MRPS28: variants seen among roughly 807,000 people sequenced by gnomAD.
The protein encoded by MRPS28 is small ribosomal subunit protein bS1m.
A neutral mutation model predicts 10.8 loss-of-function variants in MRPS28; 7 were observed. The ratio of observed to expected loss-of-function variants is 0.65; its 90% CI spans 0.37 to 1.22. The LOEUF is 1.22. Among genes scored for constraint, MRPS28 ranks in the 50% most tolerant of loss-of-function variants. The pLI, the probability that MRPS28 is intolerant of heterozygous loss-of-function variation, is 0.02. For synonymous variants in MRPS28, 121 were observed against 93.3 expected (o/e 1.30, Z -1.71); for missense variants, 265 against 232.9 (o/e 1.14, Z -0.90).
intron 2 of MRPS28, among the ~76,000 whole-genome samples, chr8:79,968,735 T>G (rs955504153): frequency 1.3e-5 from 2 of 151,086 alleles, no homozygotes; most frequent in African/African-American, 4.9e-5. Flanking sequence ...AAAAAAAGAA[T>G]CAGTTCAATT....
intron 1 of MRPS28, among the ~76,000 whole-genome samples, chr8:80,009,498 C>T (rs1808966876): frequency 6.6e-6 from 1 of 151,762 alleles, no homozygotes; most frequent in Admixed American, 6.6e-5. Flanking sequence ...TGCCTATAAT[C>T]CCAGCTACTC....
chr8:79,958,053 T>C (rs781512702), intron 2 of MRPS28: 1 of 219,468 alleles, frequency 4.6e-6, no homozygotes, highest in Non-Finnish European at 8.8e-6. Flanking sequence ...AAGTGTATAA[T>C]TCAGTGACTT....
chr8:79,988,302 T>C (rs1182459487), intron 2 of MRPS28, among the ~76,000 whole-genome samples: 2 of 148,120 alleles, frequency 1.4e-5, no homozygotes, highest in Non-Finnish European at 3.0e-5. Flanking sequence ...GGGATAGCTT[T>C]AGGAGATATA....
chr8:79,988,952 A>G (rs936219843), intron 2 of MRPS28, among the ~76,000 whole-genome samples: 2 of 152,212 alleles, frequency 1.3e-5, no homozygotes, highest in African/African-American at 4.8e-5. Flanking sequence ...AAGAACAGAG[A>G]AGTAGAAGGA....
chr8:80,005,323 G>A (rs1292654521), intron 1 of MRPS28, among the ~76,000 whole-genome samples: 2 of 152,130 alleles, frequency 1.3e-5, no homozygotes, highest in Admixed American at 6.5e-5. Context: ...GAGAGTGGGG[G>A]CCAATATTCA....
intron 2 of MRPS28, among the ~76,000 whole-genome samples, chr8:79,982,263 GAAAA>G (rs1807980994): frequency 6.6e-6 from 1 of 152,126 alleles, no homozygotes; most frequent in African/African-American, 2.4e-5. Context: ...GAAAAGAAAA[GAAAA>G]GAAAGAGATG....
intron 1 of MRPS28, among the ~76,000 whole-genome samples, chr8:80,025,780 G>C (rs1374520997): frequency 1.3e-5 from 2 of 152,156 alleles, no homozygotes; most frequent in Admixed American, 6.5e-5. Context: ...CAGATATTAA[G>C]TAATTTTCCA....
rs57397948 is a variant in MRPS28 at position 79,944,701 on chromosome 8, C to CTTTTTTT, written c.396-25560_396-25554dup. The stretch of plus-strand genomic sequence containing the variant: ...GCCATAATTTTTCTTTTTCTTTTTT[C>CTTTTTTT]TTTTTTTTTTTTGAGACAAGGTCTC... On this transcript the variant is annotated intron_variant, in intron 2 of 2. Transcript: ENST00000276585. 2.4e-3 allele frequency among the ~76,000 whole-genome samples: 337 copies of CTTTTTTT among 137,624 alleles called. 11 individuals carry two copies. Among genetic ancestry groups the CTTTTTTT allele is most frequent in the Non-Finnish European group, 3.7e-3 (244 of 65,130 alleles). 90.3% of individuals were successfully genotyped at this position (137,624 alleles called of 152,430 possible). A position where few individuals can be genotyped will look rare whatever the true frequency, so the allele number is the denominator to read the frequency against.
rs1380313779 is a variant in MRPS28 at position 79,974,602 on chromosome 8, A to C, written c.395+28397T>G. Among the ~76,000 whole-genome samples the C allele has an allele frequency of 2.0e-5, 3 of 152,038 alleles. No individual in the cohort carries two copies. In the East Asian group the frequency reaches 5.8e-4, roughly 29 times the overall value. ...AAAAAAAACAAATGAAATGTTCCCC[A>C]AAAGCACTAGTCTTGCTATTTTGGT... On this transcript the variant is annotated intron_variant, in intron 2 of 2. Coordinates refer to ENST00000276585, the MANE Select transcript of MRPS28 (RefSeq NM_014018.3).
chr8:79,933,869 A>T (rs985511721), intron 2 of MRPS28, among the ~76,000 whole-genome samples: 2 of 152,224 alleles, frequency 1.3e-5, no homozygotes, highest in African/African-American at 4.8e-5. Flanking sequence ...TAGCCTGAAG[A>T]TATTTATTCT....
In MRPS28 at chr8:79,943,921, A is replaced by C. The variant is rs184746288; in HGVS notation, c.396-24773T>G. Among the ~76,000 whole-genome samples, 830 of 152,336 alleles carry C rather than the reference A, an allele frequency of 5.4e-3. 6 individuals are homozygous for C. Among genetic ancestry groups the C allele is most frequent in the African/African-American group, 0.018 (765 of 41,584 alleles). On this transcript the variant is annotated intron_variant, in intron 2 of 2. Transcript: ENST00000276585. Reference sequence around the variant, plus strand: ...TGATAGTGTGATGTGAGCAAAAAAAACAAAGACACAATATAGGGAATAGTT... The same window carrying C: ...TGATAGTGTGATGTGAGCAAAAAAACCAAAGACACAATATAGGGAATAGTT...
chr8:79,989,452 TAAG>T (rs1808294209), intron 2 of MRPS28, among the ~76,000 whole-genome samples: 1 of 152,150 alleles, frequency 6.6e-6, no homozygotes, highest in Admixed American at 6.5e-5. Flanking sequence ...GGTAAAGTAA[TAAG>T]AAATCTACGA....
intron 1 of MRPS28, among the ~76,000 whole-genome samples, chr8:80,027,871 C>A (rs895167205): frequency 3.3e-5 from 5 of 152,150 alleles, no homozygotes; most frequent in African/African-American, 1.2e-4. Flanking sequence ...ATAATGTTTT[C>A]TAAACTGTGT....
chr8:79,950,629 T>C, intron 2 of MRPS28, among the ~76,000 whole-genome samples: 1 of 152,154 alleles, frequency 6.6e-6, no homozygotes, highest in Middle Eastern at 3.2e-3. Flanking sequence ...TTCCACAACA[T>C]TCTAAAAGCA....
intron 1 of MRPS28, among the ~76,000 whole-genome samples, chr8:80,024,366 C>T (rs1809446769): frequency 6.6e-6 from 1 of 152,100 alleles, no homozygotes. Flanking sequence ...GAGTATGGAA[C>T]CTACAACCAC....
chr8:80,019,872 T>C (rs1011421146), intron 1 of MRPS28, among the ~76,000 whole-genome samples: 2 of 152,244 alleles, frequency 1.3e-5, no homozygotes, highest in African/African-American at 4.8e-5. Context: ...GAGACAGGTC[T>C]AAATCAATTT....
rs150408282 is a variant in MRPS28 at position 79,929,161 on chromosome 8, C to A, written c.396-10013G>T. ...ATTCTGTTAAATTAAAAATAAAAAT[C>A]AACTACATAAGTACAGAAAAGCAAG... On this transcript the variant is annotated intron_variant, in intron 2 of 2. Coordinates refer to ENST00000276585, the MANE Select transcript of MRPS28 (RefSeq NM_014018.3). Among the ~76,000 whole-genome samples the A allele has an allele frequency of 8.8e-3, 1,332 of 152,214 alleles. 27 individuals are homozygous for A. Among genetic ancestry groups the A allele is most frequent in the African/African-American group, 0.03 (1,266 of 41,530 alleles).
At chr8:79,932,552 C>T (rs1806490381) in intron 2 of MRPS28, among the ~76,000 whole-genome samples, 1 of 152,162 alleles carries the variant, frequency 6.6e-6, no homozygotes, top group South Asian at 2.1e-4. Context: ...GCTTCATACA[C>T]CAAAGTAAAC....
At chr8:80,021,089 G>A (rs903684949) in intron 1 of MRPS28, among the ~76,000 whole-genome samples, 1 of 150,078 alleles carries the variant, frequency 6.7e-6, no homozygotes, top group Non-Finnish European at 1.5e-5. Flanking sequence ...TGCAACCTCC[G>A]CCTCCCATGT....
Sources: gnomAD v4.1 joint callset for allele counts (sites outside exome capture counted in the v4.1 genomes callset) on GRCh38, gnomAD v4.1.1 for gene constraint, MANE v1.5 for transcripts, NCBI Gene and HGNC (gene_info 2026-07-23, HGNC 2026-07-21) for gene names.